Variants in ZDHHC14 observed in about 807,000 individuals in gnomAD.
ZDHHC14 encodes zDHHC palmitoyltransferase 14.
ZDHHC14 carries 16 observed loss-of-function variants against 47.7 expected under a neutral mutation model. That is an observed-to-expected ratio of 0.34 (90% CI 0.23 to 0.51). ZDHHC14 has a LOEUF of 0.51. ZDHHC14 is among the 20% of genes least tolerant of loss of function. The probability of loss-of-function intolerance (pLI) is 0.97; values close to 1 mark genes in which losing one functional copy is unlikely to be tolerated. For synonymous variants in ZDHHC14, 293 were observed against 278.9 expected, an observed-to-expected ratio of 1.05 and a Z score of -0.50; for missense variants, 515 against 662.5, an observed-to-expected ratio of 0.78 and a Z score of 2.44.
intron 2 of ZDHHC14, among the ~76,000 whole-genome samples, chr6:157,547,964 C>T (rs1782050588): frequency 6.6e-6 from 1 of 151,302 alleles, no homozygotes; most frequent in Non-Finnish European, 1.5e-5. Context: ...TTGATGGTTT[C>T]ATTGATTTGG....
intron 5 of ZDHHC14, among the ~76,000 whole-genome samples, chr6:157,644,444 T>C (rs1362229944): frequency 6.6e-6 from 1 of 152,190 alleles, no homozygotes; most frequent in Admixed American, 6.5e-5. Context: ...GTCTCTCTGG[T>C]TCCCTACCAC....
intron 1 of ZDHHC14, 60 bp downstream of exon 1, chr6:157,382,326 CCCT>C: frequency 6.3e-7 from 1 of 1,575,056 alleles, no homozygotes; most frequent in Non-Finnish European, 8.6e-7. Flanking sequence ...TGTCCCCCGC[CCCT>C]CCTCGGGCTG....
chr6:157,609,219 A>G (rs2114919604), intron 3 of ZDHHC14, among the ~76,000 whole-genome samples: 1 of 152,326 alleles, frequency 6.6e-6, no homozygotes, highest in Admixed American at 6.5e-5. Flanking sequence ...CAGTGGGATC[A>G]GCTCCAAAGA....
chr6:157,638,988 A>G (rs762551951), intron 5 of ZDHHC14, among the ~76,000 whole-genome samples: 1 of 152,242 alleles, frequency 6.6e-6, no homozygotes, highest in Non-Finnish European at 1.5e-5. Flanking sequence ...CTGCAGGGCC[A>G]TGCCTGGCAT....
rs547651994 is a variant in ZDHHC14 at position 157,562,492 on chromosome 6, G to A, written c.406+19747G>A. Among the ~76,000 whole-genome samples, 519 of 152,264 alleles carry A rather than the reference G, an allele frequency of 3.4e-3. 4 individuals are homozygous for A. Among genetic ancestry groups the A allele is most frequent in the Non-Finnish European group, 5.5e-3 (376 of 68,018 alleles). ...AGGGCTGCTGCTGGGCTCTCCATGC[G>A]ATTCTCTAGGCAGATTTGGGGTGGG... is the stretch of plus-strand genomic sequence containing the variant. On this transcript the variant is annotated intron_variant, in intron 2 of 8. Coordinates refer to ENST00000359775, the MANE Select transcript of ZDHHC14 (RefSeq NM_024630.3).
chr6:157,484,627 A>G (rs1456335686), intron 1 of ZDHHC14, among the ~76,000 whole-genome samples: 1 of 151,808 alleles, frequency 6.6e-6, no homozygotes, highest in African/African-American at 2.4e-5. Flanking sequence ...TTTTACAAAG[A>G]AATAATCCTT....
intron 8 of ZDHHC14, among the ~76,000 whole-genome samples, chr6:157,663,906 A>G (rs1343108990): frequency 6.6e-6 from 1 of 152,184 alleles, no homozygotes; most frequent in Non-Finnish European, 1.5e-5. Flanking sequence ...TCTCCATTTT[A>G]TAGATTAACA....
intron 1 of ZDHHC14, among the ~76,000 whole-genome samples, chr6:157,504,373 C>T (rs1780266050): frequency 6.7e-6 from 1 of 150,208 alleles, no homozygotes; most frequent in African/African-American, 2.5e-5. Flanking sequence ...TGGTCTCGAT[C>T]TCCTGACCTC....
intron 1 of ZDHHC14, among the ~76,000 whole-genome samples, chr6:157,509,420 C>T (rs1470551588): frequency 1.3e-5 from 2 of 152,182 alleles, no homozygotes; most frequent in Non-Finnish European, 2.9e-5. Context: ...TATGTACACA[C>T]ATAGTGAACC....
chr6:157,459,581 G>A (rs751766636), intron 1 of ZDHHC14, among the ~76,000 whole-genome samples: 3 of 152,158 alleles, frequency 2.0e-5, no homozygotes, highest in Non-Finnish European at 4.4e-5. Context: ...GGGTTTCCAG[G>A]GAGCTTGGAG....
At chr6:157,494,640 A>C (rs1290529544) in intron 1 of ZDHHC14, among the ~76,000 whole-genome samples, 1 of 152,216 alleles carries the variant, frequency 6.6e-6, no homozygotes, top group Non-Finnish European at 1.5e-5. Flanking sequence ...GGCCACTTTG[A>C]GAGCACCCAT....
At chr6:157,426,040 G>C (rs757430330) in intron 1 of ZDHHC14, among the ~76,000 whole-genome samples, 5 of 152,170 alleles carry the variant, frequency 3.3e-5, no homozygotes, top group Admixed American at 6.5e-5. Flanking sequence ...ATTCTACCTA[G>C]AGAGGCAGAT....
intron 1 of ZDHHC14, among the ~76,000 whole-genome samples, chr6:157,496,276 AG>A (rs1273781854): frequency 1.3e-5 from 2 of 152,022 alleles, no homozygotes; most frequent in Non-Finnish European, 2.9e-5. Context: ...GACTGTCTCT[AG>A]GGTCTCTGTG....
At chr6:157,667,343 G>A (rs746699773) in intron 8 of ZDHHC14, among the ~76,000 whole-genome samples, 45 of 152,078 alleles carry the variant, frequency 3.0e-4, no homozygotes, top group Non-Finnish European at 5.9e-4. Flanking sequence ...AAAAGCGAGC[G>A]GTGATGTCTC....
Position 157,582,800 on chromosome 6 carries a change from A to C in ZDHHC14, c.407-10188A>C, listed in dbSNP as rs1384280702. 1.3e-5 allele frequency among the ~76,000 whole-genome samples: 2 copies of C among 152,196 alleles called. No homozygotes were observed. The highest frequency in any genetic ancestry group is 1.3e-4 in the Admixed American group (2 of 15,290). ...CTCTAGCAAGGTTGAGGAAGTTTTC[A>C]TGTGTAATATCCTGAAATAGTTTTC... On this transcript the variant is annotated intron_variant, in intron 2 of 8. Coordinates refer to ENST00000359775, the MANE Select transcript of ZDHHC14 (RefSeq NM_024630.3). The surrounding 1 kb of genome is among the most constrained non-coding windows in gnomAD (Gnocchi z 4.3).
At chr6:157,605,897 T>A (rs1054599526) in intron 3 of ZDHHC14, among the ~76,000 whole-genome samples, 1 of 151,682 alleles carries the variant, frequency 6.6e-6, no homozygotes, top group African/African-American at 2.4e-5. Context: ...CCAGGAGGAG[T>A]AGAGAAGGTA....
intron 1 of ZDHHC14, among the ~76,000 whole-genome samples, chr6:157,456,946 C>G (rs757412451): frequency 6.6e-6 from 1 of 151,398 alleles, no homozygotes; most frequent in South Asian, 2.1e-4. Context: ...GTCAGGAGTT[C>G]GAGAGCAGCC....
At chr6:157,408,593 G>A (rs1047572187) in intron 1 of ZDHHC14, among the ~76,000 whole-genome samples, 6 of 152,062 alleles carry the variant, frequency 3.9e-5, no homozygotes, top group African/African-American at 1.2e-4. Context: ...AGCTCCATCC[G>A]TGTGCCTTCC....
chr6:157,381,396 C>G lies in ZDHHC14; in HGVS notation c.-626C>G, dbSNP rs553914397. The G allele has an allele frequency of 2.5e-3, 484 of 192,726 alleles. 1 individual carries two copies. The highest frequency in any genetic ancestry group is 0.011 in the African/African-American group (464 of 41,728). The allele number at this position is 192,726 out of a possible 1,614,324, so 11.9% of individuals were successfully genotyped here. The stretch of plus-strand genomic sequence containing the variant: ...ACCGGGTCGCGGTGCGAGCGGCGCC[C>G]CGGCTCTCGCCGAGAGGCTCCTGAC... On this transcript the variant is annotated 5_prime_UTR_variant, in exon 1 of 9. Coordinates refer to ENST00000359775, the MANE Select transcript of ZDHHC14 (RefSeq NM_024630.3).
Sources: allele counts gnomAD v4.1 joint callset (sites outside exome capture counted in the v4.1 genomes callset), GRCh38; gene constraint gnomAD v4.1.1; non-coding constraint Gnocchi (gnomAD v3.1); transcripts MANE v1.5; gene names NCBI Gene and HGNC (gene_info 2026-07-23, HGNC 2026-07-21).